The following TIMP2 variants were observed in gnomAD, a reference collection of about 807,000 sequenced individuals.
TIMP2 encodes the protein metalloproteinase inhibitor 2.
Under a neutral mutation model 24.3 loss-of-function variants are expected in TIMP2, and 5 were observed. The observed-to-expected ratio is 0.21, with a 90% confidence interval of 0.11 to 0.43. TIMP2 has a LOEUF of 0.43. Ranked by LOEUF, TIMP2 falls within the 20% of genes least tolerant of loss-of-function variation. The pLI is 1.00. For missense variants in TIMP2, 221 were observed against 297.5 expected, an observed-to-expected ratio of 0.74 and a Z score of 1.89; for synonymous variants, 130 against 123.2, an observed-to-expected ratio of 1.06 and a Z score of -0.37.
At chr17:78,915,578 G>A (rs2070250079) in intron 1 of TIMP2, among the ~76,000 whole-genome samples, 1 of 151,780 alleles carries the variant, frequency 6.6e-6, no homozygotes, top group African/African-American at 2.4e-5. Context: ...GGAGTGCAGT[G>A]GTGCGATGTC....
rs2069497366 is a variant in TIMP2, at chr17:78,853,093, C to T, written c.*2574G>A. On this transcript the variant is annotated 3_prime_UTR_variant, in exon 5 of 5. Coordinates refer to ENST00000262768, the MANE Select transcript of TIMP2 (RefSeq NM_003255.5). ...ACTTTCAACAACTCTTGTGTGTTCC[C>T]AGCACCGGAAGGTCTCAGACTTCAT... 1 of 152,626 alleles carries T rather than the reference C, an allele frequency of 6.6e-6. No homozygotes were observed. Among genetic ancestry groups the T allele is most frequent in the Non-Finnish European group, 1.5e-5 (1 of 68,052 alleles). The allele number at this position is 152,626 out of a possible 1,614,324, so 9.5% of individuals were successfully genotyped here. A position where few individuals can be genotyped will look rare whatever the true frequency, so the allele number is the denominator to read the frequency against.
At chr17:78,870,766 G>A (rs987374778) in intron 3 of TIMP2, 132 bp downstream of exon 3, 21 of 654,324 alleles carry the variant, frequency 3.2e-5, no homozygotes, top group Middle Eastern at 4.4e-4. Flanking sequence ...AGAGGGCTCC[G>A]TACCCTGCCT....
At position 78,891,670 on chromosome 17, in the gene TIMP2, C is replaced by T; in HGVS notation, c.131-17751G>A. 1 of 1,551,124 alleles carries T rather than the reference C, an allele frequency of 6.4e-7. No individual in the cohort carries two copies. Among genetic ancestry groups the T allele is most frequent in the Non-Finnish European group, 8.7e-7 (1 of 1,147,134 alleles). On this transcript the variant is annotated intron_variant, in intron 1 of 4. Coordinates refer to ENST00000262768, the MANE Select transcript of TIMP2 (RefSeq NM_003255.5). The surrounding 1 kb of genome is among the most constrained non-coding windows in gnomAD (Gnocchi z 4.5). ...AAACTGCCCCCTTTCCCAGTTGCCTCCTCCCCGCCCGAGCTGTTCCTTTCT... is the reference window on the plus strand; with the variant it reads ...AAACTGCCCCCTTTCCCAGTTGCCTTCTCCCCGCCCGAGCTGTTCCTTTCT...
intron 1 of TIMP2, 70 bp from the exon 2 acceptor site, chr17:78,873,989 A>C: frequency 6.9e-7 from 1 of 1,448,594 alleles, no homozygotes; most frequent in African/African-American, 1.4e-5. Context: ...GAGAGGGATA[A>C]GACGTCCAGG....
At chr17:78,913,787 G>A (rs2070229890) in intron 1 of TIMP2, among the ~76,000 whole-genome samples, 1 of 151,672 alleles carries the variant, frequency 6.6e-6, no homozygotes. Flanking sequence ...AGCTACTCTG[G>A]AGGCTGAGGC....
At chr17:78,892,373 G>A (rs2069914617) in intron 1 of TIMP2, 2 of 1,550,662 alleles carry the variant, frequency 1.3e-6, no homozygotes, top group Non-Finnish European at 1.7e-6. Context: ...AGCTTCCCAG[G>A]GAAGGTGCTT....
chr17:78,909,166 A>T (rs1185631041), intron 1 of TIMP2, among the ~76,000 whole-genome samples: 1 of 152,098 alleles, frequency 6.6e-6, no homozygotes, highest in Admixed American at 6.5e-5. Flanking sequence ...TGGGCAACAT[A>T]GCAAGATCTG....
chr17:78,890,302 AGTGATTCT>A (rs1440648462), intron 1 of TIMP2, among the ~76,000 whole-genome samples: 3 of 151,868 alleles, frequency 2.0e-5, no homozygotes, highest in East Asian at 3.9e-4. Flanking sequence ...CCCAGGTTCA[AGTGATTCT>A]CCTGCCTCAA....
intron 1 of TIMP2, among the ~76,000 whole-genome samples, chr17:78,887,374 C>A (rs2069833833): frequency 6.6e-6 from 1 of 152,076 alleles, no homozygotes; most frequent in South Asian, 2.1e-4. Context: ...GTGTCTAGGA[C>A]TCATATCTGT....
At chr17:78,884,643 G>A (rs11656108) in intron 1 of TIMP2, among the ~76,000 whole-genome samples, 5,046 of 152,160 alleles carry the variant, frequency 0.033, 131 homozygotes, top group East Asian at 0.064. Context: ...AGCTTGTCCT[G>A]GGGGGTGTGC....
At chr17:78,864,851 A>T (rs2069596611) in intron 3 of TIMP2, among the ~76,000 whole-genome samples, 1 of 152,076 alleles carries the variant, frequency 6.6e-6, no homozygotes, top group Admixed American at 6.6e-5. Context: ...CAGGAGTTCA[A>T]GACCAGCCTG....
At chr17:78,884,410 C>T (rs772927872) in intron 1 of TIMP2, among the ~76,000 whole-genome samples, 8 of 152,186 alleles carry the variant, frequency 5.3e-5, no homozygotes, top group Admixed American at 1.3e-4. Context: ...CCTGGCTGTT[C>T]GTCGGACCCA....
At chr17:78,883,572 G>A (rs1371198476) in intron 1 of TIMP2, among the ~76,000 whole-genome samples, 4 of 152,178 alleles carry the variant, frequency 2.6e-5, no homozygotes, top group Middle Eastern at 3.2e-3. Context: ...GGGCCACACC[G>A]CCTGCCAGCG....
In TIMP2 at chr17:78,924,268, C is replaced by T. The variant is rs2070331823; in HGVS notation, c.130+691G>A. Among the ~76,000 whole-genome samples the T allele has an allele frequency of 6.6e-6, 1 of 152,262 alleles. No homozygotes were observed. The highest frequency in any genetic ancestry group is 2.4e-5 in the African/African-American group (1 of 41,472). ...ACGTGCCGGGTCCGGTCACCAAAGTCTCCAGCTTTTGTGGACGTCCCGAAA... is the reference window on the plus strand; with the variant it reads ...ACGTGCCGGGTCCGGTCACCAAAGTTTCCAGCTTTTGTGGACGTCCCGAAA... On this transcript the variant is annotated intron_variant, in intron 1 of 4. Transcript: ENST00000262768. This position sits in a 1 kb window ranked among gnomAD's most constrained non-coding sequence, Gnocchi z 5.3.
intron 3 of TIMP2, among the ~76,000 whole-genome samples, chr17:78,862,098 T>G (rs1247255937): frequency 5.3e-5 from 8 of 152,178 alleles, no homozygotes; most frequent in Admixed American, 5.2e-4. Flanking sequence ...TTATTTTTCC[T>G]TTTGGAGAAG....
chr17:78,877,670 T>C (rs2069740121), intron 1 of TIMP2, among the ~76,000 whole-genome samples: 1 of 152,074 alleles, frequency 6.6e-6, no homozygotes, highest in African/African-American at 2.4e-5. Context: ...GTATGTTATT[T>C]TGGAAATTTC....
chr17:78,904,692 A>G (rs1452724526), intron 1 of TIMP2: 1 of 152,176 alleles, frequency 6.6e-6, no homozygotes, highest in Admixed American at 6.5e-5. Flanking sequence ...GGAAAACGTG[A>G]TTTCTGGGTG....
chr17:78,909,883 T>C (rs546981346), intron 1 of TIMP2, among the ~76,000 whole-genome samples: 3 of 152,050 alleles, frequency 2.0e-5, no homozygotes, highest in African/African-American at 7.2e-5. Context: ...AACAGGGAAC[T>C]AGGGCACAGA....
chr17:78,900,925 C>T (rs1046034228), intron 1 of TIMP2: 2 of 152,302 alleles, frequency 1.3e-5, no homozygotes, highest in African/African-American at 4.8e-5. Context: ...AGAAACGCCT[C>T]TAACATGCGA....
Sources: gnomAD v4.1 joint callset for allele counts (sites outside exome capture counted in the v4.1 genomes callset) on GRCh38, gnomAD v4.1.1 for gene constraint, Gnocchi (gnomAD v3.1) non-coding constraint, MANE v1.5 for transcripts, NCBI Gene and HGNC (gene_info 2026-07-23, HGNC 2026-07-21) for gene names.